The following DOK6 variants were observed in gnomAD, a reference collection of about 807,000 sequenced individuals.
DOK6 encodes downstream of tyrosine kinase 6.
A neutral mutation model predicts 44.0 loss-of-function variants in DOK6; 22 were observed. The ratio of observed to expected loss-of-function variants is 0.50; its 90% CI spans 0.36 to 0.71. DOK6 has a LOEUF of 0.71. Among genes scored for constraint, DOK6 ranks in the 30% least tolerant of loss-of-function variants. The pLI is 0.00. For synonymous variants in DOK6, 166 were observed against 145.5 expected, an observed-to-expected ratio of 1.14 and a Z score of -1.01; for missense variants, 340 against 416.4, an observed-to-expected ratio of 0.82 and a Z score of 1.60.
At chr18:69,485,874 C>T (rs916732920) in intron 1 of DOK6, among the ~76,000 whole-genome samples, 36 of 90,428 alleles carry the variant, frequency 4.0e-4, no homozygotes, top group African/African-American at 1.2e-3. Flanking sequence ...ATATAGTATA[C>T]GTATATATGT....
chr18:69,636,751 T>C (rs563640344), intron 3 of DOK6, among the ~76,000 whole-genome samples: 1 of 152,346 alleles, frequency 6.6e-6, no homozygotes, highest in South Asian at 2.1e-4. Flanking sequence ...CTTAAACTTA[T>C]GATCAGGGCT....
intron 2 of DOK6, among the ~76,000 whole-genome samples, chr18:69,572,594 A>G (rs1331956340): frequency 6.6e-6 from 1 of 152,082 alleles, no homozygotes; most frequent in Non-Finnish European, 1.5e-5. Context: ...TGGGAAAGAC[A>G]GAGAAGAAAA....
At chr18:69,425,346 T>G (rs1364559095) in intron 1 of DOK6, among the ~76,000 whole-genome samples, 1 of 152,048 alleles carries the variant, frequency 6.6e-6, no homozygotes. Flanking sequence ...AAAAGCCACC[T>G]TGTTTAAAAG....
Position 69,841,596 on chromosome 18 carries a change from GT to G in DOK6, c.*217del, listed in dbSNP as rs2145141530. On this transcript the variant is annotated 3_prime_UTR_variant, in exon 8 of 8. Transcript: ENST00000382713. ...ATTGAATTTCTTTGGGGGAATCTAT[GT>G]TTTACATAAATAGAATCCAAATCGT... 3 of 570,928 alleles carry G rather than the reference GT, an allele frequency of 5.3e-6. No homozygotes were observed. The highest frequency in any genetic ancestry group is 5.9e-5 in the East Asian group (2 of 33,624). 35.4% of individuals were successfully genotyped at this position (570,928 alleles called of 1,614,324 possible). A position where few individuals can be genotyped will look rare whatever the true frequency, so the allele number is the denominator to read the frequency against.
chr18:69,730,133 T>G (rs1465261898), intron 5 of DOK6, among the ~76,000 whole-genome samples: 1 of 152,152 alleles, frequency 6.6e-6, no homozygotes. Context: ...TTAGGAATGC[T>G]CCTGTTTTTC....
intron 1 of DOK6, among the ~76,000 whole-genome samples, chr18:69,425,593 C>T: frequency 6.6e-6 from 1 of 151,794 alleles, no homozygotes; most frequent in Non-Finnish European, 1.5e-5. Context: ...TTCATTGCAT[C>T]ATGATTAAAG....
intron 1 of DOK6, among the ~76,000 whole-genome samples, chr18:69,509,479 A>G (rs1176155609): frequency 6.6e-6 from 1 of 152,070 alleles, no homozygotes. Context: ...CTACTAAAAA[A>G]TAGAAAAAAT....
chr18:69,507,221 GT>G (rs1468717154), intron 1 of DOK6, among the ~76,000 whole-genome samples: 1 of 151,916 alleles, frequency 6.6e-6, no homozygotes, highest in Admixed American at 6.6e-5. Flanking sequence ...TAGAGAGGGG[GT>G]TTCACCGTGT....
At chr18:69,779,726 G>A (rs898931167) in intron 7 of DOK6, among the ~76,000 whole-genome samples, 4 of 151,578 alleles carry the variant, frequency 2.6e-5, no homozygotes, top group African/African-American at 9.7e-5. Flanking sequence ...GTGTGCATGT[G>A]TGTGTATTTG....
intron 7 of DOK6, among the ~76,000 whole-genome samples, chr18:69,765,359 T>C (rs1979685502): frequency 6.6e-6 from 1 of 152,224 alleles, no homozygotes; most frequent in Non-Finnish European, 1.5e-5. Context: ...ACCTTATTTA[T>C]AAACATTTAT....
chr18:69,780,268 T>A (rs1980221615), intron 7 of DOK6, among the ~76,000 whole-genome samples: 1 of 152,164 alleles, frequency 6.6e-6, no homozygotes, highest in Admixed American at 6.5e-5. Flanking sequence ...GCCCAGGATT[T>A]ACCTGCCCCA....
intron 1 of DOK6, among the ~76,000 whole-genome samples, chr18:69,476,531 C>A (rs1295293118): frequency 2.0e-5 from 3 of 151,560 alleles, no homozygotes; most frequent in Non-Finnish European, 3.0e-5. Flanking sequence ...ATTAGAGAAG[C>A]CTTACTCTGG....
At chr18:69,547,739 C>G (rs1028045824) in intron 1 of DOK6, among the ~76,000 whole-genome samples, 1 of 150,982 alleles carries the variant, frequency 6.6e-6, no homozygotes, top group African/African-American at 2.4e-5. Context: ...TGGTAACCAT[C>G]ATTCTACTCT....
intron 4 of DOK6, among the ~76,000 whole-genome samples, chr18:69,680,962 A>AT (rs1986030501): frequency 6.6e-6 from 1 of 152,246 alleles, no homozygotes; most frequent in Admixed American, 6.5e-5. Context: ...CTCTTCAAGC[A>AT]TAACACCTTT....
chr18:69,495,873 C>T (rs1375046298), intron 1 of DOK6, among the ~76,000 whole-genome samples: 6 of 152,380 alleles, frequency 3.9e-5, no homozygotes, highest in South Asian at 4.1e-4. Flanking sequence ...TGTGTCAGCA[C>T]TGCCCCAAGT....
At chr18:69,613,816 T>C (rs905139948) in intron 3 of DOK6, among the ~76,000 whole-genome samples, 13 of 151,812 alleles carry the variant, frequency 8.6e-5, no homozygotes, top group Non-Finnish European at 2.9e-5. Context: ...ATAATGAGGA[T>C]ATTTTTATAG....
At chr18:69,440,581 G>A (rs1450738451) in intron 1 of DOK6, among the ~76,000 whole-genome samples, 1 of 152,068 alleles carries the variant, frequency 6.6e-6, no homozygotes, top group African/African-American at 2.4e-5. Flanking sequence ...GATAACTTGA[G>A]CCCAAGTATA....
At chr18:69,532,475 C>A (rs1363145740) in intron 1 of DOK6, among the ~76,000 whole-genome samples, 1 of 152,144 alleles carries the variant, frequency 6.6e-6, no homozygotes, top group Non-Finnish European at 1.5e-5. Flanking sequence ...CTTACCCAGT[C>A]AAAAATCTAA....
chr18:69,698,715 A>G, intron 5 of DOK6, 122 bp downstream of exon 5: 1 of 834,726 alleles, frequency 1.2e-6, no homozygotes, highest in South Asian at 3.1e-5. Context: ...CATTCAGGGT[A>G]AAAGTTACCA....
Sources: gnomAD v4.1 joint callset for allele counts (sites outside exome capture counted in the v4.1 genomes callset) on GRCh38, gnomAD v4.1.1 for gene constraint, MANE v1.5 for transcripts, NCBI Gene and HGNC (gene_info 2026-07-23, HGNC 2026-07-21) for gene names.